The following GLB1 variants were observed in gnomAD, a reference collection of about 807,000 sequenced individuals.
The protein encoded by GLB1 is beta-galactosidase.
GLB1 carries 56 observed loss-of-function variants against 74.0 expected under a neutral mutation model. The observed-to-expected ratio is 0.76, with a 90% CI of 0.61 to 0.94. GLB1 has a LOEUF of 0.94. GLB1 is among the 40% of genes least tolerant of loss of function. GLB1 has a pLI of 0.00. For synonymous variants in GLB1, 323 were observed against 323.6 expected, an observed-to-expected ratio of 1.00 and a Z score of 0.02; for missense variants, 787 against 845.5, an observed-to-expected ratio of 0.93 and a Z score of 0.86.
chr3:33,021,455 G>T, intron 12 of GLB1, 111 bp downstream of exon 12: 1 of 1,109,260 alleles, frequency 9.0e-7, no homozygotes, highest in Non-Finnish European at 1.3e-6. Context: ...GGGATCTGAT[G>T]CATTTGCTTA....
chr3:32,972,666 A>C, the GLB1 span, among the ~76,000 whole-genome samples: 3 of 152,210 alleles, frequency 2.0e-5, no homozygotes, highest in Admixed American at 6.5e-5. Flanking sequence ...TGTTTAGAAG[A>C]AGCAGCTCAG....
rs1314924754 is a variant in GLB1, at chr3:33,093,451, C to T, written c.75+3560G>A. On this transcript the variant is annotated intron_variant, in intron 1 of 15. Coordinates refer to ENST00000307363, the MANE Select transcript of GLB1 (RefSeq NM_000404.4). The surrounding 1 kb of genome is among the most constrained non-coding windows in gnomAD (Gnocchi z 6.0). The stretch of plus-strand genomic sequence containing the variant: ...GTCCGCAGGACCGAGGCTTCTGAGT[C>T]GGAGAGGTCACCCACAATCACCGTG... 9 of 1,614,138 alleles carry T rather than the reference C, an allele frequency of 5.6e-6. No individual in the cohort carries two copies. Among genetic ancestry groups the T allele is most frequent in the African/African-American group, 1.3e-5 (1 of 75,010 alleles).
chr3:33,021,561 C>T lies in GLB1; in HGVS notation c.1233+5G>A, dbSNP rs1697485403. 3 of 1,613,438 alleles carry T rather than the reference C, an allele frequency of 1.9e-6. No homozygotes were observed. The highest frequency in any genetic ancestry group is 2.5e-6 in the Non-Finnish European group (3 of 1,179,766). ...AAAGGCGAGGCATTACCTTTGAAGG[C>T]CTACCTGTTTCACCTGGATAAATGT... is the stretch of plus-strand genomic sequence containing the variant. On this transcript the variant is annotated splice_donor_5th_base_variant and intron_variant, in intron 12 of 15. Transcript: ENST00000307363.
intron 1 of GLB1, among the ~76,000 whole-genome samples, chr3:33,082,679 A>T (rs1306396837): frequency 6.6e-6 from 1 of 152,176 alleles, no homozygotes; most frequent in Non-Finnish European, 1.5e-5. Flanking sequence ...TTCAAATCCT[A>T]CTGATAAAAA....
chr3:32,969,158 G>C, the GLB1 span, among the ~76,000 whole-genome samples: 1 of 152,184 alleles, frequency 6.6e-6, no homozygotes, highest in Admixed American at 6.5e-5. Flanking sequence ...GGAGTCCGTC[G>C]TGCTGGGTAT....
chr3:33,032,286 T>G (rs576160110), intron 10 of GLB1, among the ~76,000 whole-genome samples: 1 of 152,294 alleles, frequency 6.6e-6, no homozygotes, highest in African/African-American at 2.4e-5. Context: ...CGCCAACCTT[T>G]CCGACTTCTC....
At chr3:33,073,851 A>C (rs1699983113) in intron 1 of GLB1, among the ~76,000 whole-genome samples, 1 of 151,486 alleles carries the variant, frequency 6.6e-6, no homozygotes, top group Non-Finnish European at 1.5e-5. Context: ...TCTACAAAAA[A>C]ACAAACAAAC....
Position 33,093,719 on chromosome 3 carries a change from T to C in GLB1, c.75+3292A>G. On this transcript the variant is annotated intron_variant, in intron 1 of 15. Transcript: ENST00000307363. The surrounding 1 kb of genome is among the most constrained non-coding windows in gnomAD (Gnocchi z 6.0). ...GGGCAGGCCTGAGCACGAGCTTCCT[T>C]GTCTTCTCAAGGCTGCCCACGACCC... The C allele has an allele frequency of 1.9e-6, 3 of 1,614,070 alleles. No homozygotes were observed. Among genetic ancestry groups the C allele is most frequent in the Non-Finnish European group, 2.5e-6 (3 of 1,179,980 alleles).
At chr3:32,973,985 G>A in the GLB1 span, among the ~76,000 whole-genome samples, 2 of 152,094 alleles carry the variant, frequency 1.3e-5, no homozygotes, top group Non-Finnish European at 2.9e-5. Flanking sequence ...GAGGGGGGCT[G>A]CAGTCAGAGG....
At chr3:32,966,911 T>C in the GLB1 span, among the ~76,000 whole-genome samples, 4 of 152,188 alleles carry the variant, frequency 2.6e-5, no homozygotes, top group Non-Finnish European at 4.4e-5. Context: ...CCTGCCATGA[T>C]TGTGAGGCCT....
intron 9 of GLB1, among the ~76,000 whole-genome samples, chr3:33,050,921 C>A (rs975859880): frequency 1.3e-5 from 2 of 152,184 alleles, no homozygotes; most frequent in African/African-American, 4.8e-5. Flanking sequence ...TAAATGCTCA[C>A]ATTTATTTCC....
chr3:32,967,535 T>G, the GLB1 span, among the ~76,000 whole-genome samples: 1 of 152,186 alleles, frequency 6.6e-6, no homozygotes, highest in East Asian at 1.9e-4. Context: ...TATATCTCCC[T>G]CTACCCACAA....
At chr3:32,992,995 C>T (rs1696252066), downstream of GLB1, among the ~76,000 whole-genome samples, 1 of 152,236 alleles carries the variant, frequency 6.6e-6, no homozygotes, top group African/African-American at 2.4e-5. Context: ...ATTTTCCTTG[C>T]AGCCCATGTG....
intron 10 of GLB1, among the ~76,000 whole-genome samples, chr3:33,039,616 G>GA (rs1483544560): frequency 1.3e-5 from 2 of 152,146 alleles, no homozygotes; most frequent in Non-Finnish European, 2.9e-5. Context: ...AAGCGCTTAG[G>GA]AGATACACAG....
At position 33,051,834 on chromosome 3, in the gene GLB1, G is replaced by A. The variant is rs1391840876; in HGVS notation, c.915-36C>T. On this transcript the variant is annotated intron_variant, in intron 8 of 15. Transcript: ENST00000307363. The stretch of plus-strand genomic sequence containing the variant: ...ACAAAAGAACACGGTACTTCACTGT[G>A]AGCCCATGGCTACTGAGGGCACCCT... 3.1e-6 allele frequency: 5 copies of A among 1,614,006 alleles called. No individual in the cohort carries two copies. In the African/African-American group the frequency reaches 5.3e-5, roughly 17 times the overall value.
intron 5 of GLB1, 61 bp from the exon 6 acceptor site, chr3:33,058,330 A>G: frequency 3.1e-6 from 5 of 1,604,510 alleles, no homozygotes; most frequent in Non-Finnish European, 4.3e-6. Context: ...CCCTAATGCA[A>G]GCTTTTGTGT....
chr3:33,080,922 A>G (rs1297799089), intron 1 of GLB1, among the ~76,000 whole-genome samples: 2 of 152,180 alleles, frequency 1.3e-5, no homozygotes, highest in African/African-American at 2.4e-5. Context: ...AGAACCTTAT[A>G]GCTGGTGCTA....
chr3:33,056,360 G>T (rs1699222170), intron 6 of GLB1, among the ~76,000 whole-genome samples: 1 of 151,732 alleles, frequency 6.6e-6, no homozygotes, highest in African/African-American at 2.4e-5. Context: ...ACCTCAGAGG[G>T]GAGAACATCA....
chr3:32,977,426 T>C, the GLB1 span, among the ~76,000 whole-genome samples: 2 of 152,082 alleles, frequency 1.3e-5, no homozygotes, highest in African/African-American at 4.8e-5. Flanking sequence ...CAGGCTGGTC[T>C]CAAACTCCTG....
Sources: gnomAD v4.1 joint callset for allele counts (sites outside exome capture counted in the v4.1 genomes callset) on GRCh38, gnomAD v4.1.1 for gene constraint, Gnocchi (gnomAD v3.1) non-coding constraint, MANE v1.5 for transcripts, NCBI Gene and HGNC (gene_info 2026-07-23, HGNC 2026-07-21) for gene names.